FIGNL2: variants seen among roughly 807,000 people sequenced by gnomAD.
FIGNL2 encodes the protein fidgetin like 2.
For synonymous variants in FIGNL2, 565 were observed against 484.0 expected, an observed-to-expected ratio of 1.17 and a Z score of -2.20; for missense variants, 1,060 against 950.2, an observed-to-expected ratio of 1.12 and a Z score of -1.52.
intron 1 of FIGNL2, chr12:51,824,069 C>T (rs1428000650): frequency 6.6e-6 from 1 of 152,216 alleles, no homozygotes; most frequent in Non-Finnish European, 1.5e-5. Flanking sequence ...TTCAGAAAGC[C>T]AGGGCTGCGC....
chr12:51,833,120 TCA>T, intron 1 of FIGNL2, among the ~76,000 whole-genome samples: 1 of 152,248 alleles, frequency 6.6e-6, no homozygotes, highest in Middle Eastern at 3.4e-3. Context: ...TGATCACGGC[TCA>T]CTGCAGCCTG....
intron 1 of FIGNL2, among the ~76,000 whole-genome samples, chr12:51,826,179 C>A (rs959144402): frequency 6.7e-6 from 1 of 148,238 alleles, no homozygotes; most frequent in Non-Finnish European, 1.5e-5. Flanking sequence ...CCGCCCCCCC[C>A]ACACAGTTAG....
At chr12:51,845,986 G>T (rs142057220) in intron 1 of FIGNL2, among the ~76,000 whole-genome samples, 103 of 152,264 alleles carry the variant, frequency 6.8e-4, no homozygotes, top group African/African-American at 2.2e-3. Flanking sequence ...GGGAAAGGGA[G>T]AGGAGGAGCC....
chr12:51,839,567 G>GTTAA (rs2138998550), intron 1 of FIGNL2, among the ~76,000 whole-genome samples: 1 of 152,294 alleles, frequency 6.6e-6, no homozygotes, highest in South Asian at 2.1e-4. Context: ...CAGAGACGAT[G>GTTAA]TTAACCCTTC....
intron 1 of FIGNL2, among the ~76,000 whole-genome samples, chr12:51,826,310 G>A (rs1939341673): frequency 6.6e-6 from 1 of 151,962 alleles, no homozygotes. Flanking sequence ...GCAGTGACAT[G>A]ACATCCACTA....
At position 51,821,004 on chromosome 12, in the gene FIGNL2, C is replaced by T. The variant is rs1334457805; in HGVS notation, c.1410G>A (p.Ala470=). ...TLAAPGAAEG[A]RLLQAAFAAA... is the part of the protein sequence containing the mutation. ...CCGCGAAGGCGGCCTGGAGGAGGCG[C>T]GCGCCCTCGGCGGCGCCGGGCGCAG... The change falls in exon 2 of 2, where the codon GCG becomes GCA. Residue 470 remains alanine, a synonymous_variant. Coordinates refer to ENST00000618634, the MANE Select transcript of FIGNL2 (RefSeq NM_001384995.1). The T allele has an allele frequency of 3.4e-6, 4 of 1,187,764 alleles. No homozygotes were observed. The highest frequency in any genetic ancestry group is 4.1e-5 in the South Asian group (1 of 24,206). The allele number at this position is 1,187,764 out of a possible 1,614,324, so 73.6% of individuals were successfully genotyped here. A position where few individuals can be genotyped will look rare whatever the true frequency, so the allele number is the denominator to read the frequency against.
intron 1 of FIGNL2, chr12:51,826,020 C>A (rs1475953286): frequency 1.3e-5 from 2 of 152,100 alleles, no homozygotes; most frequent in African/African-American, 2.4e-5. Flanking sequence ...TTAGCCAGGG[C>A]AAAAAATGAA....
At chr12:51,829,284 C>T (rs537388153) in intron 1 of FIGNL2, among the ~76,000 whole-genome samples, 3 of 152,314 alleles carry the variant, frequency 2.0e-5, no homozygotes, top group South Asian at 2.1e-4. Flanking sequence ...CTGCTTACAA[C>T]GGGTGCCCCA....
intron 1 of FIGNL2, among the ~76,000 whole-genome samples, chr12:51,825,470 A>C (rs919721331): frequency 4.6e-5 from 7 of 152,082 alleles, no homozygotes; most frequent in Non-Finnish European, 8.8e-5. Flanking sequence ...GCTGTCACTG[A>C]GAACTGCTCC....
At chr12:51,839,798 C>T (rs936302299) in intron 1 of FIGNL2, among the ~76,000 whole-genome samples, 2 of 152,166 alleles carry the variant, frequency 1.3e-5, no homozygotes, top group Non-Finnish European at 2.9e-5. Context: ...GCTCAGCCAG[C>T]CCCTGTCTGT....
At chr12:51,835,103 C>T (rs983089142) in intron 1 of FIGNL2, among the ~76,000 whole-genome samples, 3 of 152,168 alleles carry the variant, frequency 2.0e-5, no homozygotes, top group African/African-American at 4.8e-5. Context: ...AAGCAGATCT[C>T]CAGGGTCAGG....
intron 1 of FIGNL2, chr12:51,847,364 G>A: frequency 1.0e-6 from 1 of 985,482 alleles, no homozygotes. Flanking sequence ...TAAGCCCAGA[G>A]TTGGGCTGGA....
intron 1 of FIGNL2, chr12:51,828,409 A>G (rs1181542696): frequency 1.3e-5 from 2 of 152,224 alleles, no homozygotes; most frequent in East Asian, 1.9e-4. Flanking sequence ...GCTGCTGTGC[A>G]CATAGGAAGC....
Position 51,844,513 on chromosome 12 carries a change from A to G in FIGNL2, c.-12+4027T>C, listed in dbSNP as rs538946020. On this transcript the variant is annotated intron_variant, in intron 1 of 1. Coordinates refer to ENST00000618634, the MANE Select transcript of FIGNL2 (RefSeq NM_001384995.1). ...GCCCTGAGCACCTGCACCTAGAGTC[A>G]TTCAAGACTAGGACTCAGGTCTCCC... Among the ~76,000 whole-genome samples, 24 of 152,342 alleles carry G rather than the reference A, an allele frequency of 1.6e-4. No homozygotes were observed. In the South Asian group the frequency reaches 5.0e-3, roughly 32 times the overall value.
At position 51,820,363 on chromosome 12, in the gene FIGNL2, G is replaced by A; in HGVS notation, c.*89C>T. ...TCCCACATTCACCACTCCAGCCCCT[G>A]CCAGCCGGGTTTAGTCAGTGACATC... On this transcript the variant is annotated 3_prime_UTR_variant, in exon 2 of 2. Coordinates refer to ENST00000618634, the MANE Select transcript of FIGNL2 (RefSeq NM_001384995.1). 6.7e-7 allele frequency: 1 copy of A among 1,501,948 alleles called. No homozygotes were observed. Among genetic ancestry groups the A allele is most frequent in the Non-Finnish European group, 8.9e-7 (1 of 1,126,760 alleles). 93.0% of individuals were successfully genotyped at this position (1,501,948 alleles called of 1,614,324 possible). A position where few individuals can be genotyped will look rare whatever the true frequency, so the allele number is the denominator to read the frequency against.
chr12:51,823,408 T>C (rs1939267870), intron 1 of FIGNL2: 1 of 152,186 alleles, frequency 6.6e-6, no homozygotes, highest in Non-Finnish European at 1.5e-5. Flanking sequence ...AATGTTCCTG[T>C]CTTAGAGATC....
intron 1 of FIGNL2, among the ~76,000 whole-genome samples, chr12:51,839,604 T>C (rs139449548): frequency 5.5e-4 from 84 of 152,338 alleles, no homozygotes; most frequent in African/African-American, 1.7e-3. Context: ...TGGATGAGTC[T>C]GTCCTTCCTT....
At chr12:51,847,078 G>C (rs1038012427) in intron 1 of FIGNL2, 121 of 985,296 alleles carry the variant, frequency 1.2e-4, no homozygotes, top group South Asian at 1.9e-4. Flanking sequence ...CCACAGCTGG[G>C]TGGCGGCGGC....
In FIGNL2 at chr12:51,843,498, A is replaced by C. The variant is rs146235869; in HGVS notation, c.-12+5042T>G. On this transcript the variant is annotated intron_variant, in intron 1 of 1. Coordinates refer to ENST00000618634, the MANE Select transcript of FIGNL2 (RefSeq NM_001384995.1). The stretch of plus-strand genomic sequence containing the variant: ...AGGAGGTGGTGGTTGCAGTGAGCAA[A>C]GATCATGCCACTGCACTGCAGCCTG... Among the ~76,000 whole-genome samples, 1,135 of 151,886 alleles carry C rather than the reference A, an allele frequency of 7.5e-3. 16 individuals carry two copies. The highest frequency in any genetic ancestry group is 0.026 in the African/African-American group (1,090 of 41,390).
Sources: allele counts gnomAD v4.1 joint callset (sites outside exome capture counted in the v4.1 genomes callset), GRCh38; gene constraint gnomAD v4.1.1; transcripts MANE v1.5; gene names NCBI Gene and HGNC (gene_info 2026-07-23, HGNC 2026-07-21).